Variants in PLXND1 observed in about 807,000 individuals in gnomAD.
PLXND1 encodes the protein plexin-D1.
A neutral mutation model predicts 197.7 loss-of-function variants in PLXND1; 54 were observed. The observed-to-expected ratio is 0.27, with a 90% confidence interval of 0.22 to 0.34. The LOEUF (loss-of-function observed/expected upper bound fraction) is 0.34, where lower values mean the gene tolerates loss of function less well. Ranked by LOEUF, PLXND1 falls within the 10% of genes least tolerant of loss-of-function variation. PLXND1 has a pLI of 1.00. For missense variants in PLXND1, 2,127 were observed against 2,699.2 expected, an observed-to-expected ratio of 0.79 and a Z score of 4.70; for synonymous variants, 1,180 against 1,161.2, an observed-to-expected ratio of 1.02 and a Z score of -0.33.
chr3:129,585,876 C>T, intron 5 of PLXND1, 76 bp downstream of exon 5: 3 of 1,590,800 alleles, frequency 1.9e-6, no homozygotes, highest in Non-Finnish European at 2.6e-6. Context: ...GAGTCTCCAC[C>T]TCTCGGGGCC....
At chr3:129,560,764 G>C in intron 29 of PLXND1, 41 bp from the exon 30 acceptor site, 3 of 1,197,540 alleles carry the variant, frequency 2.5e-6, no homozygotes, top group Non-Finnish European at 2.5e-6. Flanking sequence ...CGGGAGAGGA[G>C]AGGAGAGAAA....
chr3:129,565,236 T>C (rs922497925), intron 25 of PLXND1, 104 bp downstream of exon 25: 6 of 902,010 alleles, frequency 6.7e-6, no homozygotes, highest in Non-Finnish European at 9.0e-6. Context: ...CTGGCAGAGC[T>C]GGCCTGAGGG....
chr3:129,558,565 G>A lies in PLXND1; in HGVS notation c.5308C>T (p.Arg1770Trp). The A allele has an allele frequency of 1.2e-6, 2 of 1,613,914 alleles. No homozygotes were observed. The highest frequency in any genetic ancestry group is 1.7e-6 in the Non-Finnish European group (2 of 1,179,916). The change falls in exon 33 of 36, where the codon CGG becomes TGG. Residue 1770 changes from arginine (R) to tryptophan (W), a missense_variant. Coordinates refer to ENST00000324093, the MANE Select transcript of PLXND1 (RefSeq NM_015103.3). This position sits in a 1 kb window ranked among gnomAD's most constrained non-coding sequence, Gnocchi z 4.1. ...TTCTTCAGGATGTTCACCCAGAACC[G>A]GAGAGGAAGGCTGTGGGGTAGGGTG... The part of the protein sequence containing the change: ...HIWKTNSLPL[R>W]FWVNILKNPQ...
chr3:129,592,238 A>G (rs1380327154), intron 1 of PLXND1, among the ~76,000 whole-genome samples: 2 of 152,062 alleles, frequency 1.3e-5, no homozygotes. Context: ...AGCTGCCCCA[A>G]CCAGGCGGGG....
chr3:129,589,309 C>CGGGG, intron 2 of PLXND1, 42 bp downstream of exon 2: 38 of 643,984 alleles, frequency 5.9e-5, no homozygotes, highest in East Asian at 1.1e-4. Context: ...CCAGGGGAGC[C>CGGGG]TCCCACCCCC....
At chr3:129,603,905 G>A (rs570916636) in intron 1 of PLXND1, among the ~76,000 whole-genome samples, 2 of 152,282 alleles carry the variant, frequency 1.3e-5, no homozygotes, top group East Asian at 1.9e-4. Flanking sequence ...CAGTGGAGCT[G>A]AAGTGGGCTC....
Position 129,578,280 on chromosome 3 carries a change from C to A in PLXND1, c.2346+49G>T. 5 of 1,214,722 alleles carry A rather than the reference C, an allele frequency of 4.1e-6. No homozygotes were observed. In the South Asian group the frequency reaches 6.4e-5, roughly 16 times the overall value. The allele number at this position is 1,214,722 out of a possible 1,614,324, so 75.2% of individuals were successfully genotyped here. The stretch of plus-strand genomic sequence containing the variant: ...GGGGGCAGTTAGTGGCCTGCGTGCT[C>A]CCCGGCCTCCTCCTGGCCCCACCCG... On this transcript the variant is annotated intron_variant, in intron 9 of 35. Coordinates refer to ENST00000324093, the MANE Select transcript of PLXND1 (RefSeq NM_015103.3).
rs922988526 is a variant in PLXND1 at position 129,580,481 on chromosome 3, G to A, written c.2242-2048C>T. 2.0e-5 allele frequency among the ~76,000 whole-genome samples: 3 copies of A among 152,134 alleles called. 1 individual carries two copies. The South Asian group carries it at 6.2e-4, about 32-fold the overall frequency. On this transcript the variant is annotated intron_variant, in intron 8 of 35. Transcript: ENST00000324093. ...GAAGCCACTGCCAGGTCTGCTTTGC[G>A]GCTGGCTGGGGCCCAGCCTCTGTCC...
At position 129,562,892 on chromosome 3, in the gene PLXND1, C is replaced by G; in HGVS notation, c.4720G>C (p.Ala1574Pro). 1 of 1,610,406 alleles carries G rather than the reference C, an allele frequency of 6.2e-7. No homozygotes were observed. The highest frequency in any genetic ancestry group is 8.5e-7 in the Non-Finnish European group (1 of 1,176,906). The change falls in exon 27 of 36, where the codon GCC becomes CCC. Residue 1574 changes from alanine to proline, a missense_variant. Physicochemically the swap from Ala to Pro is conservative, Grantham distance 27. This residue lies in a region of PLXND1 where 532 missense variants were observed against 811.0 expected (regional missense o/e 0.66). Transcript: ENST00000324093. The part of the protein sequence containing the change: ...GCGMDSLSVR[A>P]MDTDTLTQVK... ...TGTGTCAGCGTGTCGGTGTCCATGG[C>G]CCGCACGCTCAGCGAGTCCATGCCA...
intron 1 of PLXND1, among the ~76,000 whole-genome samples, chr3:129,599,202 T>A (rs898733994): frequency 1.3e-5 from 2 of 152,134 alleles, no homozygotes; most frequent in Non-Finnish European, 2.9e-5. Flanking sequence ...TTCCTTAATC[T>A]CCATGGAGAC....
At chr3:129,592,062 GGA>G (rs2085550038) in intron 1 of PLXND1, among the ~76,000 whole-genome samples, 2 of 152,172 alleles carry the variant, frequency 1.3e-5, no homozygotes, top group Non-Finnish European at 2.9e-5. Flanking sequence ...TCCTGCCTCA[GGA>G]CCTCTGGCCT....
Position 129,556,686 on chromosome 3 carries a change from G to A in PLXND1, c.5592C>T (p.Tyr1864=). 2 of 1,611,006 alleles carry A rather than the reference G, an allele frequency of 1.2e-6. No individual in the cohort carries two copies. Reference sequence around the variant, plus strand: ...CCACATTGGTGTTGAACTCATTCTGGTATTTCTATAAGGAGGCAGGATGGG... The same window carrying A: ...CCACATTGGTGTTGAACTCATTCTGATATTTCTATAAGGAGGCAGGATGGG... ...NAHLAEESRK[Y]QNEFNTNVAM... The change falls in exon 35 of 36, where the codon TAC becomes TAT. Residue 1864 remains tyrosine, a synonymous_variant. Transcript: ENST00000324093.
Position 129,571,749 on chromosome 3 carries a change from T to C in PLXND1, c.3173A>G (p.His1058Arg). 6.2e-7 allele frequency: 1 copy of C among 1,613,382 alleles called. No individual in the cohort carries two copies. The highest frequency in any genetic ancestry group is 2.2e-5 in the East Asian group (1 of 44,874). The change falls in exon 16 of 36, where the codon CAC becomes CGC. Residue 1058 changes from histidine to arginine, a missense_variant. His to Arg is a conservative substitution (Grantham distance 29). Transcript: ENST00000324093. ...CATGTACCAGAAGGTGAGGTTGCCGTGCACGCAGCCCCGACGCTCGAAGCG... is the reference window on the plus strand; with the variant it reads ...CATGTACCAGAAGGTGAGGTTGCCGCGCACGCAGCCCCGACGCTCGAAGCG... ...CVRFERRGCVHGNLTFWYMQN... is the reference protein window; with the variant it reads ...CVRFERRGCVRGNLTFWYMQN...
chr3:129,556,934 A>G (rs2084982985), intron 34 of PLXND1, 149 bp downstream of exon 34: 3 of 870,890 alleles, frequency 3.4e-6, no homozygotes, highest in African/African-American at 3.4e-5. Flanking sequence ...ATGCATGACG[A>G]ATTTGCAGGC....
intron 32 of PLXND1, chr3:129,559,342 T>TTAA: frequency 5.7e-6 from 2 of 348,906 alleles, no homozygotes; most frequent in Non-Finnish European, 1.0e-5. Context: ...GGTGCCCACC[T>TTAA]GAGAGGGGTG....
intron 19 of PLXND1, 25 bp downstream of exon 19, chr3:129,570,761 C>G: frequency 6.2e-7 from 1 of 1,612,604 alleles, no homozygotes; most frequent in Non-Finnish European, 8.5e-7. Flanking sequence ...CAGGTCTGCC[C>G]TGCTCCGGCG....
intron 2 of PLXND1, among the ~76,000 whole-genome samples, chr3:129,587,835 G>A (rs2085482656): frequency 6.6e-6 from 1 of 152,202 alleles, no homozygotes; most frequent in Admixed American, 6.5e-5. Flanking sequence ...ATGCACACAT[G>A]AGGCCCAGAA....
chr3:129,567,531 C>T lies in PLXND1; in HGVS notation c.4047G>A (p.Leu1349=). 6.2e-7 allele frequency: 1 copy of T among 1,610,926 alleles called. No individual in the cohort carries two copies. Among genetic ancestry groups the T allele is most frequent in the Non-Finnish European group, 8.5e-7 (1 of 1,178,190 alleles). Residue 1349 remains leucine (L), a synonymous_variant, in exon 22 of 36, where the codon CTG becomes CTA. Transcript: ENST00000324093. ...TGCGGGTCACGAAGTGCTTATACTCCAGGAAGGGGATGCCCTGGCTGCGGT... is the reference window on the plus strand; with the variant it reads ...TGCGGGTCACGAAGTGCTTATACTCTAGGAAGGGGATGCCCTGGCTGCGGT... ...ELNRSQGIPF[L]EYKHFVTRTF...
chr3:129,604,250 C>A (rs1022279780), intron 1 of PLXND1, among the ~76,000 whole-genome samples: 4 of 152,218 alleles, frequency 2.6e-5, no homozygotes, highest in Admixed American at 6.5e-5. Context: ...GTTCACATCC[C>A]TCCATTCTCC....
Sources: allele counts gnomAD v4.1 joint callset (sites outside exome capture counted in the v4.1 genomes callset), GRCh38; gene constraint gnomAD v4.1.1; regional missense constraint gnomAD v4.1.1; non-coding constraint Gnocchi (gnomAD v3.1); transcripts MANE v1.5; gene names NCBI Gene and HGNC (gene_info 2026-07-23, HGNC 2026-07-21).